The following ZC3H7B variants were observed in gnomAD, a reference collection of about 807,000 sequenced individuals.
ZC3H7B encodes the protein zinc finger CCCH-type containing 7B, also known as zinc finger CCCH domain-containing protein 7B.
Under a neutral mutation model 116.0 loss-of-function variants are expected in ZC3H7B, and 35 were observed. The ratio of observed to expected loss-of-function variants is 0.30; its 90% CI spans 0.23 to 0.40. The LOEUF (loss-of-function observed/expected upper bound fraction) is 0.40, where lower values mean the gene tolerates loss of function less well. ZC3H7B is among the 10% of genes least tolerant of loss of function. The pLI is 1.00. For synonymous variants in ZC3H7B, 502 were observed against 545.6 expected, an observed-to-expected ratio of 0.92 and a Z score of 1.11; for missense variants, 1,011 against 1,321.5, an observed-to-expected ratio of 0.77 and a Z score of 3.64.
In ZC3H7B at chr22:41,346,172, G is replaced by A. The variant is rs1388389433; in HGVS notation, c.1629G>A (p.Leu543=). The A allele has an allele frequency of 3.1e-6, 5 of 1,612,022 alleles. No homozygotes were observed. Among genetic ancestry groups the A allele is most frequent in the Non-Finnish European group, 4.2e-6 (5 of 1,179,922 alleles). Residue 543 remains leucine (L), a synonymous_variant, in exon 14 of 23, where the codon CTG becomes CTA. Coordinates refer to ENST00000352645, the MANE Select transcript of ZC3H7B (RefSeq NM_017590.6). This position sits in a 1 kb window ranked among gnomAD's most constrained non-coding sequence, Gnocchi z 5.3. ...GCAGCCTCACCATCGCCAAGCTCCTGAAGGAGCACCAGGGCATCTTCACCT... is the reference window on the plus strand; with the variant it reads ...GCAGCCTCACCATCGCCAAGCTCCTAAAGGAGCACCAGGGCATCTTCACCT... ...KRGSLTIAKL[L]KEHQGIFTFL...
intron 10 of ZC3H7B, 35 bp from the exon 11 acceptor site, chr22:41,341,053 A>G (rs772057818): frequency 6.2e-6 from 10 of 1,604,700 alleles, no homozygotes; most frequent in South Asian, 4.4e-5. Context: ...CCTCAGAGCC[A>G]GAGCCACTGA....
At chr22:41,356,604 A>G in intron 21 of ZC3H7B, 41 bp from the exon 22 acceptor site, 1 of 1,612,048 alleles carries the variant, frequency 6.2e-7, no homozygotes, top group South Asian at 1.1e-5. Flanking sequence ...GTCCGGGCAG[A>G]GGTGTGGGGG....
chr22:41,349,021 C>T lies in ZC3H7B; in HGVS notation c.1767-99C>T, dbSNP rs5758306. The T allele has an allele frequency of 0.028, 37,604 of 1,323,780 alleles. 5,538 individuals carry two copies. The East Asian group carries it at 0.38, about 13-fold the overall frequency. 82.0% of individuals were successfully genotyped at this position (1,323,780 alleles called of 1,614,324 possible). ...GATTTGGTACATAGATCAGGGGGTG[C>T]CCAGGGAGAGCCTGGCACTGGGAAG... On this transcript the variant is annotated intron_variant, in intron 15 of 22. Coordinates refer to ENST00000352645, the MANE Select transcript of ZC3H7B (RefSeq NM_017590.6). The surrounding 1 kb of genome is among the most constrained non-coding windows in gnomAD (Gnocchi z 4.9).
At chr22:41,343,053 G>A (rs764046699) in intron 12 of ZC3H7B, among the ~76,000 whole-genome samples, 20 of 152,148 alleles carry the variant, frequency 1.3e-4, no homozygotes, top group Non-Finnish European at 2.5e-4. Flanking sequence ...CTCGCTTATA[G>A]TCCCAGCTAC....
At chr22:41,339,727 A>G in intron 9 of ZC3H7B, 89 bp from the exon 10 acceptor site, 1 of 1,251,826 alleles carries the variant, frequency 8.0e-7, no homozygotes, top group Non-Finnish European at 1.1e-6. Flanking sequence ...GACAGGGTGC[A>G]GGTCTCCTTG....
In ZC3H7B at chr22:41,343,409, C is replaced by A; in HGVS notation, c.1298-6C>A. 1.9e-6 allele frequency: 3 copies of A among 1,605,198 alleles called. No homozygotes were observed. Among genetic ancestry groups the A allele is most frequent in the South Asian group, 2.2e-5 (2 of 90,408 alleles). ...GAATTATCATGTGTGTCCACCCTGC[C>A]CATAGGCCCCCGGGCTGGCGACTAC... is the stretch of plus-strand genomic sequence containing the variant. On this transcript the variant is annotated splice_region_variant and splice_polypyrimidine_tract_variant and intron_variant, in intron 12 of 22. Coordinates refer to ENST00000352645, the MANE Select transcript of ZC3H7B (RefSeq NM_017590.6).
At chr22:41,356,970 GGC>G (rs2036730081) in intron 22 of ZC3H7B, among the ~76,000 whole-genome samples, 162 bp downstream of exon 22, 1 of 152,160 alleles carries the variant, frequency 6.6e-6, no homozygotes, top group African/African-American at 2.4e-5. Flanking sequence ...TGGATGGGAG[GGC>G]TGGGCTCAGA....
chr22:41,339,846 G>A lies in ZC3H7B; in HGVS notation c.847G>A (p.Gly283Ser), dbSNP rs151273736. The A allele has an allele frequency of 8.1e-5, 131 of 1,609,220 alleles. 1 individual carries two copies. The highest frequency in any genetic ancestry group is 3.8e-4 in the South Asian group (34 of 90,606). Reference protein sequence around the residue: ...SLVQGGLSGSGVPSELPQLIP... With the variant: ...SLVQGGLSGSSVPSELPQLIP... ...GGTCCAGGGTGGCCTGTCTGGCAGC[G>A]GCGTGCCTAGTGAGTTGCCCCAGCT... The change falls in exon 10 of 23, where the codon GGC (glycine) becomes AGC (serine). Residue 283 changes from glycine (G) to serine (S), a missense_variant. Physicochemically the swap from Gly to Ser is moderately conservative, Grantham distance 56. Transcript: ENST00000352645.
At chr22:41,332,096 C>T in intron 6 of ZC3H7B, 75 bp from the exon 7 acceptor site, 1 of 1,555,384 alleles carries the variant, frequency 6.4e-7, no homozygotes, top group South Asian at 1.1e-5. Context: ...GGCCTCTTTG[C>T]TGCCCCAGCT....
At chr22:41,328,097 A>G (rs1262541784) in intron 5 of ZC3H7B, among the ~76,000 whole-genome samples, 1 of 152,112 alleles carries the variant, frequency 6.6e-6, no homozygotes, top group Non-Finnish European at 1.5e-5. Flanking sequence ...ATTGCACTTC[A>G]GCCTGAGTTT....
chr22:41,335,537 C>T (rs1202953098), intron 7 of ZC3H7B: 1 of 152,266 alleles, frequency 6.6e-6, no homozygotes, highest in East Asian at 1.9e-4. Flanking sequence ...AGAATCACCG[C>T]TTTCCCTAGA....
chr22:41,343,047 C>T (rs1029176152), intron 12 of ZC3H7B, among the ~76,000 whole-genome samples: 1 of 152,190 alleles, frequency 6.6e-6, no homozygotes, highest in African/African-American at 2.4e-5. Context: ...GTGGTGCTCG[C>T]TTATAGTCCC....
chr22:41,313,521 G>A (rs545455255), intron 1 of ZC3H7B, among the ~76,000 whole-genome samples: 2 of 152,296 alleles, frequency 1.3e-5, no homozygotes, highest in East Asian at 3.9e-4. Flanking sequence ...GGACAACCTT[G>A]AAGGAGCAAG....
chr22:41,319,409 A>G (rs2036226517), intron 1 of ZC3H7B, among the ~76,000 whole-genome samples: 5 of 151,846 alleles, frequency 3.3e-5, no homozygotes, highest in Admixed American at 6.6e-5. Context: ...TCAAAAAAAA[A>G]CAAAGCAAAA....
intron 1 of ZC3H7B, among the ~76,000 whole-genome samples, chr22:41,319,059 A>G (rs1301841187): frequency 6.6e-6 from 1 of 152,156 alleles, no homozygotes; most frequent in Non-Finnish European, 1.5e-5. Context: ...ACTTGAGGTC[A>G]GGCGTTTGAG....
chr22:41,321,831 T>C (rs1006387695), intron 2 of ZC3H7B, among the ~76,000 whole-genome samples: 2 of 59,558 alleles, frequency 3.4e-5, no homozygotes, highest in African/African-American at 5.4e-5. Flanking sequence ...CTCACATTCT[T>C]TTTTTTTTTT....
chr22:41,319,923 C>T (rs528173306), intron 1 of ZC3H7B, among the ~76,000 whole-genome samples: 1 of 151,758 alleles, frequency 6.6e-6, no homozygotes, highest in South Asian at 2.1e-4. Context: ...CCCAGCTACT[C>T]CAGAGGCTGA....
chr22:41,330,481 A>G (rs1327069047), intron 6 of ZC3H7B, among the ~76,000 whole-genome samples: 3 of 152,306 alleles, frequency 2.0e-5, no homozygotes, highest in South Asian at 2.1e-4. Flanking sequence ...ACATAGATTC[A>G]TTTGGTACCT....
At chr22:41,313,572 T>A (rs949376852) in intron 1 of ZC3H7B, among the ~76,000 whole-genome samples, 2 of 152,168 alleles carry the variant, frequency 1.3e-5, no homozygotes, top group Non-Finnish European at 2.9e-5. Context: ...AGGGCCTGCC[T>A]TGCTCATTTT....
Sources: allele counts gnomAD v4.1 joint callset (sites outside exome capture counted in the v4.1 genomes callset), GRCh38; gene constraint gnomAD v4.1.1; non-coding constraint Gnocchi (gnomAD v3.1); transcripts MANE v1.5; gene names NCBI Gene and HGNC (gene_info 2026-07-23, HGNC 2026-07-21).